Variants in DGKB observed in about 807,000 individuals in gnomAD.
DGKB encodes the protein 90 kDa diacylglycerol kinase.
A neutral mutation model predicts 114.3 loss-of-function variants in DGKB; 67 were observed. That is an observed-to-expected ratio of 0.59 (90% CI 0.48 to 0.72). The LOEUF is 0.72. DGKB is among the 30% of genes least tolerant of loss of function. DGKB has a pLI of 0.00. For synonymous variants in DGKB, 398 were observed against 323.1 expected, an observed-to-expected ratio of 1.23 and a Z score of -2.49; for missense variants, 907 against 975.2, an observed-to-expected ratio of 0.93 and a Z score of 0.93.
At chr7:14,429,334 T>TTG (rs1828072294) in intron 21 of DGKB, among the ~76,000 whole-genome samples, 1 of 152,060 alleles carries the variant, frequency 6.6e-6, no homozygotes, top group Non-Finnish European at 1.5e-5. Flanking sequence ...TTTTTCTACC[T>TTG]TGTGAGGATA....
intron 21 of DGKB, among the ~76,000 whole-genome samples, chr7:14,440,439 A>AT (rs1829926137): frequency 6.6e-6 from 1 of 152,106 alleles, no homozygotes; most frequent in Non-Finnish European, 1.5e-5. Context: ...GCCTCCAGTG[A>AT]TATACTGAGT....
At chr7:14,165,109 C>T (rs1452134773) in intron 25 of DGKB, among the ~76,000 whole-genome samples, 2 of 152,090 alleles carry the variant, frequency 1.3e-5, no homozygotes, top group Non-Finnish European at 2.9e-5. Flanking sequence ...TCCCCTCCTT[C>T]CTTACAGATA....
chr7:14,372,340 T>C (rs1583471638), intron 21 of DGKB, among the ~76,000 whole-genome samples: 1 of 152,194 alleles, frequency 6.6e-6, no homozygotes, highest in South Asian at 2.1e-4. Context: ...TTGATCTTTA[T>C]GTACTATCCT....
chr7:14,179,078 C>A (rs574866392), intron 23 of DGKB, among the ~76,000 whole-genome samples: 140 of 152,230 alleles, frequency 9.2e-4, no homozygotes, highest in Non-Finnish European at 1.5e-3. Flanking sequence ...TTTGATAAAT[C>A]AATCATATGA....
intron 1 of DGKB, among the ~76,000 whole-genome samples, chr7:14,966,568 T>G (rs1378460904): frequency 6.6e-6 from 1 of 152,066 alleles, no homozygotes; most frequent in African/African-American, 2.4e-5. Context: ...CGTCCTAACG[T>G]GCTGAGATTA....
chr7:14,726,027 T>C (rs1400601543), intron 5 of DGKB, among the ~76,000 whole-genome samples: 1 of 152,212 alleles, frequency 6.6e-6, no homozygotes, highest in Non-Finnish European at 1.5e-5. Flanking sequence ...ATAAAATACA[T>C]ACACATATTA....
intron 7 of DGKB, among the ~76,000 whole-genome samples, chr7:14,698,513 C>A (rs1438713968): frequency 6.6e-6 from 1 of 152,068 alleles, no homozygotes; most frequent in Non-Finnish European, 1.5e-5. Flanking sequence ...TTCCCTGAAC[C>A]TTTGGCTTGA....
At chr7:14,640,649 C>A (rs1301119640) in intron 13 of DGKB, among the ~76,000 whole-genome samples, 2 of 152,062 alleles carry the variant, frequency 1.3e-5, no homozygotes, top group African/African-American at 2.4e-5. Flanking sequence ...CAAAGACAGG[C>A]AATGAGACAG....
chr7:14,297,525 C>T (rs1802787281), intron 23 of DGKB, among the ~76,000 whole-genome samples: 1 of 152,076 alleles, frequency 6.6e-6, no homozygotes, highest in Non-Finnish European at 1.5e-5. Flanking sequence ...TAAAGACACT[C>T]AATAAAGTAG....
At chr7:14,728,169 G>A (rs1054213039) in intron 5 of DGKB, among the ~76,000 whole-genome samples, 4 of 152,130 alleles carry the variant, frequency 2.6e-5, no homozygotes, top group African/African-American at 9.7e-5. Context: ...TGGGAGAGTT[G>A]GGGACCAATG....
At chr7:14,561,673 T>C (rs867745163) in intron 20 of DGKB, among the ~76,000 whole-genome samples, 10 of 152,172 alleles carry the variant, frequency 6.6e-5, no homozygotes, top group African/African-American at 2.4e-4. Flanking sequence ...ATTGGTGGCA[T>C]TTTGCCCCTG....
At chr7:14,355,420 T>C (rs1285583202) in intron 21 of DGKB, among the ~76,000 whole-genome samples, 6 of 152,358 alleles carry the variant, frequency 3.9e-5, no homozygotes, top group South Asian at 2.1e-4. Context: ...GGATGTGTCA[T>C]AAATTGCTCC....
chr7:14,316,284 A>G (rs1465119029), intron 23 of DGKB, among the ~76,000 whole-genome samples: 4 of 149,802 alleles, frequency 2.7e-5, no homozygotes, highest in Non-Finnish European at 4.4e-5. Context: ...AACTAAAATC[A>G]GAGCAGAACT....
At chr7:14,341,752 G>A (rs760714499) in intron 22 of DGKB, among the ~76,000 whole-genome samples, 4 of 151,944 alleles carry the variant, frequency 2.6e-5, no homozygotes, top group East Asian at 1.9e-4. Context: ...GGGTCACACC[G>A]TACAGAGGTG....
At chr7:14,167,211 A>AAC (rs1712577441) in intron 25 of DGKB, among the ~76,000 whole-genome samples, 1 of 450 alleles carries the variant, frequency 2.2e-3, no homozygotes, top group Admixed American at 0.062. Context: ...ACTCCATCTC[A>AAC]AAAAAAAAAA....
intron 20 of DGKB, among the ~76,000 whole-genome samples, chr7:14,562,824 T>C (rs1176459309): frequency 6.6e-6 from 1 of 152,148 alleles, no homozygotes; most frequent in Non-Finnish European, 1.5e-5. Flanking sequence ...TATGGACTTT[T>C]GAGTTAATGC....
intron 2 of DGKB, among the ~76,000 whole-genome samples, chr7:14,836,663 G>A (rs1220687336): frequency 2.0e-5 from 3 of 152,128 alleles, no homozygotes; most frequent in African/African-American, 7.2e-5. Flanking sequence ...TCAAGAGTGA[G>A]GAAGAAAATT....
At chr7:14,231,423 C>T (rs762990141) in intron 23 of DGKB, among the ~76,000 whole-genome samples, 62 of 151,724 alleles carry the variant, frequency 4.1e-4, no homozygotes, top group Non-Finnish European at 6.0e-4. Flanking sequence ...TAATGACTGT[C>T]CAGTTCACGT....
chr7:14,931,927 G>T (rs756434339), intron 1 of DGKB, among the ~76,000 whole-genome samples: 1 of 152,128 alleles, frequency 6.6e-6, no homozygotes, highest in Non-Finnish European at 1.5e-5. Flanking sequence ...GGCTGCAGGA[G>T]TCCATTCCCT....
Sources: allele counts gnomAD v4.1 joint callset (sites outside exome capture counted in the v4.1 genomes callset), GRCh38; gene constraint gnomAD v4.1.1; transcripts MANE v1.5; gene names NCBI Gene and HGNC (gene_info 2026-07-23, HGNC 2026-07-21).